Variants in HCFC1R1 observed in about 807,000 individuals in gnomAD.
The protein encoded by HCFC1R1 is HCF-1 beta-propeller-interacting protein.
A neutral mutation model predicts 13.3 loss-of-function variants in HCFC1R1; 17 were observed. The observed-to-expected ratio is 1.28, with a 90% CI of 0.87 to 1.91. HCFC1R1 has a LOEUF of 1.91. HCFC1R1 is among the 40% of genes most tolerant of loss of function. The probability of loss-of-function intolerance (pLI) is 0.00; values close to 1 mark genes in which losing one functional copy is unlikely to be tolerated. For missense variants in HCFC1R1, 218 were observed against 177.9 expected, an observed-to-expected ratio of 1.23 and a Z score of -1.28; for synonymous variants, 87 against 71.1, an observed-to-expected ratio of 1.22 and a Z score of -1.12.
rs767882104 is a variant in HCFC1R1 at position 3,023,464 on chromosome 16, C to G, written c.152+10G>C. The stretch of plus-strand genomic sequence containing the variant: ...TCTTGTTGGGAGTCCCTCCCTGCCC[C>G]CAAACTCACTGCTCCTCCTCCAGGC... On this transcript the variant is annotated intron_variant, in intron 2 of 3. Coordinates refer to ENST00000248089, the MANE Select transcript of HCFC1R1 (RefSeq NM_017885.4). 48 of 1,613,222 alleles carry G rather than the reference C, an allele frequency of 3.0e-5. No individual in the cohort carries two copies.
Position 3,023,488 on chromosome 16 carries a change from G to A in HCFC1R1, c.138C>T (p.Arg46=). ...CCCAAACTCACTGCTCCTCCTCCAG[G>A]CGCCGCTTGGTGCTCATGGGCACAG... ...RGAVPMSTKR[R]LEEEQEPLRK... Residue 46 remains arginine, a synonymous_variant, in exon 2 of 4, where the codon CGC becomes CGT. Transcript: ENST00000248089. 4 of 1,612,466 alleles carry A rather than the reference G, an allele frequency of 2.5e-6. No individual in the cohort carries two copies. The highest frequency in any genetic ancestry group is 3.4e-6 in the Non-Finnish European group (4 of 1,179,308).
rs2072680200 is a variant in HCFC1R1 at position 3,023,541 on chromosome 16, A to C, written c.96-11T>G. The stretch of plus-strand genomic sequence containing the variant: ...CCTCGGAGAGGGGAGCTGGGAAAAA[A>C]AGAGAGCCTGGTGCACCCCACCCTC... On this transcript the variant is annotated splice_polypyrimidine_tract_variant and intron_variant, in intron 1 of 3. Coordinates refer to ENST00000248089, the MANE Select transcript of HCFC1R1 (RefSeq NM_017885.4). 6.4e-7 allele frequency: 1 copy of C among 1,573,678 alleles called. No homozygotes were observed. The highest frequency in any genetic ancestry group is 8.6e-7 in the Non-Finnish European group (1 of 1,158,616).
chr16:3,023,382 G>A (rs200334755), intron 2 of HCFC1R1, 21 bp from the exon 3 acceptor site: 1 of 1,612,678 alleles, frequency 6.2e-7, no homozygotes, highest in Non-Finnish European at 8.5e-7. Context: ...ATGGCAGAGA[G>A]GCAGGCTGGG....
Sources: allele counts gnomAD v4.1 joint callset, GRCh38; gene constraint gnomAD v4.1.1; transcripts MANE v1.5; gene names NCBI Gene and HGNC (gene_info 2026-07-23, HGNC 2026-07-21).